Variants in SASH1 observed in about 807,000 individuals in gnomAD.
The protein encoded by SASH1 is SAM and SH3 domain-containing protein 1.
Under a neutral mutation model 125.2 loss-of-function variants are expected in SASH1, and 44 were observed. The observed-to-expected ratio is 0.35, with a 90% confidence interval of 0.28 to 0.45. The LOEUF (loss-of-function observed/expected upper bound fraction) is 0.45, where lower values mean the gene tolerates loss of function less well. Among genes scored for constraint, SASH1 ranks in the 20% least tolerant of loss-of-function variants. The pLI is 1.00. For synonymous variants in SASH1, 639 were observed against 649.1 expected, an observed-to-expected ratio of 0.98 and a Z score of 0.24; for missense variants, 1,426 against 1,614.5, an observed-to-expected ratio of 0.88 and a Z score of 2.00.
chr6:148,454,942 A>G (rs768868024), intron 4 of SASH1, among the ~76,000 whole-genome samples: 63 of 152,340 alleles, frequency 4.1e-4, no homozygotes, highest in Non-Finnish European at 7.9e-4. Flanking sequence ...GCTTTGCCCA[A>G]ATAAAACCTT....
upstream of SASH1, among the ~76,000 whole-genome samples, chr6:148,339,863 C>G (rs560613838): frequency 1.4e-4 from 22 of 152,232 alleles, no homozygotes; most frequent in South Asian, 3.7e-3. Context: ...TACACTGATG[C>G]GGGTATGTGT....
rs529059205 is a variant in SASH1, at chr6:148,437,034, C to T, written c.286-3150C>T. On this transcript the variant is annotated intron_variant, in intron 2 of 19. Transcript: ENST00000367467. ...TCTGTCTACATTGTGACATCCAGAT[C>T]GGGAGCTGTAGTGTAAACCATCAGC... Among the ~76,000 whole-genome samples the T allele has an allele frequency of 4.9e-4, 75 of 152,278 alleles. 1 individual carries two copies. Among genetic ancestry groups the T allele is most frequent in the Non-Finnish European group, 3.8e-4 (26 of 68,032 alleles).
chr6:148,198,465 C>T, the SASH1 span, among the ~76,000 whole-genome samples: 1 of 152,190 alleles, frequency 6.6e-6, no homozygotes, highest in Non-Finnish European at 1.5e-5. Context: ...TACTTGGCAG[C>T]ATACTTCAGG....
In SASH1 at chr6:148,314,620, A is replaced by T. The variant is rs191283545; in HGVS notation, n.74+42243A>T. 3.6e-3 allele frequency among the ~76,000 whole-genome samples: 548 copies of T among 152,264 alleles called. 2 individuals are homozygous for T. Among genetic ancestry groups the T allele is most frequent in the African/African-American group, 0.013 (526 of 41,552 alleles). ...GGCCCTCAAACAAAAGTTTGGAAAT[A>T]GGCATTCTTTGTATTTTCTTTCTTG... On this transcript the variant is annotated intron_variant and non_coding_transcript_variant, in intron 1 of 3. Coordinates refer to the SASH1 transcript ENST00000367469.
At chr6:148,402,905 G>A (rs1249501055) in intron 2 of SASH1, among the ~76,000 whole-genome samples, 2 of 151,642 alleles carry the variant, frequency 1.3e-5, no homozygotes, top group Non-Finnish European at 2.9e-5. Context: ...CACAGCACCC[G>A]GCCCAAAAAC....
At chr6:148,480,233 G>C (rs951128338) in intron 7 of SASH1, among the ~76,000 whole-genome samples, 2 of 151,540 alleles carry the variant, frequency 1.3e-5, no homozygotes, top group Admixed American at 6.6e-5. Flanking sequence ...GGGAAGCTGA[G>C]GCAGGAGAAT....
chr6:148,514,259 T>A, intron 8 of SASH1, 65 bp from the exon 9 acceptor site: 2 of 1,556,722 alleles, frequency 1.3e-6, no homozygotes, highest in South Asian at 1.2e-5. Context: ...GCCGGCTACA[T>A]CCAGCCACAC....
rs59521298 is a variant in SASH1 at position 148,305,623 on chromosome 6, C to CAAAAAA, written n.74+33262_74+33267dup. 3.3e-4 allele frequency among the ~76,000 whole-genome samples: 34 copies of CAAAAAA among 104,324 alleles called. 1 individual carries two copies. Among genetic ancestry groups the CAAAAAA allele is most frequent in the Admixed American group, 5.4e-4 (5 of 9,334 alleles). The allele number at this position is 104,324 out of a possible 152,430, so 68.4% of individuals were successfully genotyped here. On this transcript the variant is annotated intron_variant and non_coding_transcript_variant, in intron 1 of 3. Transcript: ENST00000367469. ...TGGGCGACAGAGCGAGACTCTGACT[C>CAAAAAA]AAAAAAAAAAAAAAAAAAAAAGAAA...
At chr6:148,537,776 CTG>C (rs55644027) in intron 16 of SASH1, among the ~76,000 whole-genome samples, 13,279 of 124,796 alleles carry the variant, frequency 0.11, 549 homozygotes, top group Admixed American at 0.16. Context: ...TTAGCATATT[CTG>C]TGTGTGTGTG....
chr6:148,221,120 G>T, the SASH1 span, among the ~76,000 whole-genome samples: 2 of 151,950 alleles, frequency 1.3e-5, no homozygotes, highest in East Asian at 1.9e-4. Flanking sequence ...CATTCAACAC[G>T]TCTTACTGCA....
At chr6:148,338,488 T>G (rs1254854950), upstream of SASH1, among the ~76,000 whole-genome samples, 1 of 152,128 alleles carries the variant, frequency 6.6e-6, no homozygotes, top group Non-Finnish European at 1.5e-5. Context: ...CTGCCCCATG[T>G]AGCTGTGTTC....
At position 148,311,134 on chromosome 6, in the gene SASH1, T is replaced by C. The variant is rs375869952; in HGVS notation, n.74+38757T>C. 4.7e-4 allele frequency among the ~76,000 whole-genome samples: 70 copies of C among 149,126 alleles called. No homozygotes were observed. The East Asian group carries it at 8.5e-3, about 18-fold the overall frequency. ...TCTTTTTTTTCCCCCCAAGACGGAG[T>C]GTCACTCTGTCGCCCGGGCTGGAGA... On this transcript the variant is annotated intron_variant and non_coding_transcript_variant, in intron 1 of 3. Coordinates refer to the SASH1 transcript ENST00000367469.
chr6:148,481,362 T>C (rs562470283), intron 7 of SASH1, among the ~76,000 whole-genome samples: 2 of 152,308 alleles, frequency 1.3e-5, no homozygotes, highest in East Asian at 1.9e-4. Flanking sequence ...TTATCATTTG[T>C]GTGTCCAGTG....
chr6:148,442,363 T>C (rs1322282510), intron 4 of SASH1, among the ~76,000 whole-genome samples: 1 of 152,024 alleles, frequency 6.6e-6, no homozygotes, highest in East Asian at 1.9e-4. Flanking sequence ...GTTGTGATCA[T>C]GCTTGGGTGA....
intron 1 of SASH1, among the ~76,000 whole-genome samples, chr6:148,327,142 A>G (rs1057481488): frequency 6.6e-6 from 1 of 151,934 alleles, no homozygotes; most frequent in Non-Finnish European, 1.5e-5. Flanking sequence ...TTACTTTTCT[A>G]TCTCCTTTAC....
intron 4 of SASH1, among the ~76,000 whole-genome samples, chr6:148,468,202 T>C (rs1375427205): frequency 6.6e-6 from 1 of 152,228 alleles, no homozygotes; most frequent in Non-Finnish European, 1.5e-5. Flanking sequence ...TGCTTTCTCT[T>C]TTCCTCTTAC....
At chr6:148,498,441 G>T (rs1779411790) in intron 8 of SASH1, among the ~76,000 whole-genome samples, 1 of 151,624 alleles carries the variant, frequency 6.6e-6, no homozygotes, top group Non-Finnish European at 1.5e-5. Context: ...CATATCAAGG[G>T]CCACATTGAT....
At chr6:148,546,265 T>TG in intron 19 of SASH1, 119 bp downstream of exon 19, 1 of 1,201,964 alleles carries the variant, frequency 8.3e-7, no homozygotes. Context: ...AGGAGACAGC[T>TG]GGGGAGAAAG....
intron 18 of SASH1, among the ~76,000 whole-genome samples, chr6:148,545,129 A>AGTT (rs1369838686): frequency 6.6e-6 from 1 of 152,262 alleles, no homozygotes; most frequent in Admixed American, 6.5e-5. Flanking sequence ...TGTATTATAC[A>AGTT]GTTATCTGTA....
Sources: gnomAD v4.1 joint callset for allele counts (sites outside exome capture counted in the v4.1 genomes callset) on GRCh38, gnomAD v4.1.1 for gene constraint, MANE v1.5 for transcripts, NCBI Gene and HGNC (gene_info 2026-07-23, HGNC 2026-07-21) for gene names.